Variants in GRIK3 observed in about 807,000 individuals in gnomAD.
GRIK3 encodes glutamate receptor ionotropic, kainate 3.
Under a neutral mutation model 102.5 loss-of-function variants are expected in GRIK3, and 29 were observed. The ratio of observed to expected loss-of-function variants is 0.28; its 90% confidence interval spans 0.21 to 0.39. The LOEUF is 0.39. GRIK3 is among the 10% of genes least tolerant of loss of function. The pLI is 1.00. For synonymous variants in GRIK3, 511 were observed against 504.9 expected (o/e 1.01, Z -0.16); for missense variants, 908 against 1,252.4 (o/e 0.73, Z 4.15).
intron 1 of GRIK3, among the ~76,000 whole-genome samples, chr1:36,926,549 C>T (rs1641530140): frequency 1.3e-5 from 2 of 152,118 alleles, no homozygotes; most frequent in Non-Finnish European, 2.9e-5. Context: ...CACCACTATG[C>T]CTGGCTAATT....
intron 11 of GRIK3, among the ~76,000 whole-genome samples, chr1:36,823,374 TGAGGCA>T (rs1218295629): frequency 1.4e-5 from 2 of 144,210 alleles, no homozygotes; most frequent in African/African-American, 5.2e-5. Context: ...CTTGGGAGGC[TGAGGCA>T]GGAGAATGGC....
At chr1:36,978,816 A>C (rs1320028658) in intron 1 of GRIK3, among the ~76,000 whole-genome samples, 1 of 152,236 alleles carries the variant, frequency 6.6e-6, no homozygotes, top group African/African-American at 2.4e-5. Flanking sequence ...TAGAACTGGC[A>C]CGATGTCCCT....
intron 1 of GRIK3, among the ~76,000 whole-genome samples, chr1:36,962,417 C>T (rs1476927133): frequency 4.6e-5 from 7 of 152,018 alleles, no homozygotes; most frequent in Non-Finnish European, 1.5e-5. Context: ...ATGCATGCCC[C>T]AGGGGTTAAT....
chr1:37,004,123 A>G (rs552672279), intron 1 of GRIK3, among the ~76,000 whole-genome samples: 5 of 151,952 alleles, frequency 3.3e-5, no homozygotes, highest in Non-Finnish European at 7.4e-5. Flanking sequence ...TCTAAAAAAA[A>G]CCCCACACAT....
intron 1 of GRIK3, among the ~76,000 whole-genome samples, chr1:36,990,125 C>T (rs1642349103): frequency 6.6e-6 from 1 of 152,124 alleles, no homozygotes; most frequent in African/African-American, 2.4e-5. Context: ...GCCGTCCTGA[C>T]CACAGCCTTC....
At chr1:36,943,086 T>C (rs1641745239) in intron 1 of GRIK3, among the ~76,000 whole-genome samples, 1 of 152,208 alleles carries the variant, frequency 6.6e-6, no homozygotes, top group Non-Finnish European at 1.5e-5. Context: ...ATGGTGTCCC[T>C]TTTTAGAGCT....
intron 1 of GRIK3, among the ~76,000 whole-genome samples, chr1:36,981,534 T>C (rs1642247598): frequency 6.6e-6 from 1 of 152,182 alleles, no homozygotes; most frequent in Admixed American, 6.5e-5. Context: ...CATTTCACAG[T>C]TGAGAAAACT....
At chr1:36,978,304 G>T (rs983041263) in intron 1 of GRIK3, among the ~76,000 whole-genome samples, 2 of 152,244 alleles carry the variant, frequency 1.3e-5, no homozygotes, top group African/African-American at 4.8e-5. Context: ...AGATTACGGA[G>T]CATCTATCAA....
At chr1:36,873,766 G>A (rs1035961614) in intron 3 of GRIK3, among the ~76,000 whole-genome samples, 2 of 152,134 alleles carry the variant, frequency 1.3e-5, no homozygotes, top group Admixed American at 1.3e-4. Flanking sequence ...CCCCAGCCTG[G>A]GAATAGGTAT....
intron 1 of GRIK3, among the ~76,000 whole-genome samples, chr1:36,936,576 T>C (rs2124318941): frequency 6.6e-6 from 1 of 152,312 alleles, no homozygotes; most frequent in East Asian, 1.9e-4. Context: ...CTGTCTGTCC[T>C]GCCCCTGACC....
intron 1 of GRIK3, among the ~76,000 whole-genome samples, chr1:36,971,317 T>C (rs1642137290): frequency 1.3e-5 from 2 of 152,180 alleles, no homozygotes; most frequent in Non-Finnish European, 2.9e-5. Context: ...GGAAACATCC[T>C]TCCCATACAA....
At chr1:36,989,276 C>T (rs1198201444) in intron 1 of GRIK3, among the ~76,000 whole-genome samples, 3 of 152,176 alleles carry the variant, frequency 2.0e-5, no homozygotes, top group South Asian at 2.1e-4. Flanking sequence ...TATTCCAGCA[C>T]GTAAAGGCCA....
intron 1 of GRIK3, among the ~76,000 whole-genome samples, chr1:36,951,045 A>G (rs191951181): frequency 6.6e-6 from 1 of 152,370 alleles, no homozygotes; most frequent in Non-Finnish European, 1.5e-5. Context: ...ATTTTCCCAG[A>G]GCAGGGCCCA....
At chr1:36,996,205 A>G (rs1557456717) in intron 1 of GRIK3, among the ~76,000 whole-genome samples, 2 of 152,248 alleles carry the variant, frequency 1.3e-5, no homozygotes, top group Non-Finnish European at 2.9e-5. Flanking sequence ...AAGTGGGAAG[A>G]GATGGCCTGT....
At position 36,797,188 on chromosome 1, in the gene GRIK3, T is replaced by TCCTC. The variant is rs1402522438; in HGVS notation, c.*4659_*4662dup. ...GCTGCAGCCCCCATCTCTCATCTGG[T>TCCTC]CCTCACCCGTGCTGGCTGGGTTCTG... is the stretch of plus-strand genomic sequence containing the variant. On this transcript the variant is annotated 3_prime_UTR_variant, in exon 16 of 16. Coordinates refer to ENST00000373091, the MANE Select transcript of GRIK3 (RefSeq NM_000831.4). 6.6e-6 allele frequency: 1 copy of TCCTC among 152,062 alleles called. No homozygotes were observed. The highest frequency in any genetic ancestry group is 1.5e-5 in the Non-Finnish European group (1 of 68,042). 9.4% of individuals were successfully genotyped at this position (152,062 alleles called of 1,614,324 possible).
At chr1:36,892,289 C>A (rs1399881458) in intron 1 of GRIK3, among the ~76,000 whole-genome samples, 1 of 152,174 alleles carries the variant, frequency 6.6e-6, no homozygotes, top group Non-Finnish European at 1.5e-5. Flanking sequence ...TCCCAAAGTG[C>A]TGGGATTACA....
chr1:36,842,967 G>C (rs578150074), intron 9 of GRIK3, among the ~76,000 whole-genome samples: 1 of 152,114 alleles, frequency 6.6e-6, no homozygotes, highest in Non-Finnish European at 1.5e-5. Flanking sequence ...AGAGATGCCT[G>C]TCCCATGCCA....
At chr1:36,846,024 C>T (rs1021198496) in intron 9 of GRIK3, among the ~76,000 whole-genome samples, 7 of 152,258 alleles carry the variant, frequency 4.6e-5, no homozygotes, top group African/African-American at 1.7e-4. Context: ...ATGCCCACAC[C>T]GTGACACCAT....
At chr1:36,966,401 T>C (rs1297954714) in intron 1 of GRIK3, among the ~76,000 whole-genome samples, 1 of 152,212 alleles carries the variant, frequency 6.6e-6, no homozygotes, top group Non-Finnish European at 1.5e-5. Context: ...CAGTCAAGCT[T>C]GGACTGGGTG....
Sources: allele counts gnomAD v4.1 joint callset (sites outside exome capture counted in the v4.1 genomes callset), GRCh38; gene constraint gnomAD v4.1.1; transcripts MANE v1.5; gene names NCBI Gene and HGNC (gene_info 2026-07-23, HGNC 2026-07-21).